The following INPP5B variants were observed in gnomAD, a reference collection of about 807,000 sequenced individuals.
The protein encoded by INPP5B is type II inositol 1,4,5-trisphosphate 5-phosphatase.
A neutral mutation model predicts 118.5 loss-of-function variants in INPP5B; 90 were observed. The ratio of observed to expected loss-of-function variants is 0.76; its 90% CI spans 0.64 to 0.90. INPP5B has a LOEUF of 0.90. Among genes scored for constraint, INPP5B ranks in the 40% least tolerant of loss-of-function variants. The pLI, the probability that INPP5B is intolerant of heterozygous loss-of-function variation, is 0.00. For missense variants in INPP5B, 984 were observed against 1,125.6 expected, an observed-to-expected ratio of 0.87 and a Z score of 1.80; for synonymous variants, 385 against 418.9, an observed-to-expected ratio of 0.92 and a Z score of 0.99.
chr1:37,872,826 C>T, intron 19 of INPP5B, 104 bp downstream of exon 19: 2 of 807,936 alleles, frequency 2.5e-6, no homozygotes, highest in Non-Finnish European at 4.1e-6. Context: ...CTCTAGGAAG[C>T]TGAAGAGTTT....
chr1:37,944,740 C>A lies in INPP5B; in HGVS notation c.153-847G>T, dbSNP rs1483206655. Among the ~76,000 whole-genome samples, 12 of 152,104 alleles carry A rather than the reference C, an allele frequency of 7.9e-5. No homozygotes were observed. In the South Asian group the frequency reaches 1.7e-3, roughly 21 times the overall value. ...GAGACTACAGGCATGCACCACAACA[C>A]CCAGCTAATTTTCTTATTTTTTGTA... On this transcript the variant is annotated intron_variant, in intron 3 of 23. Transcript: ENST00000373024.
chr1:37,886,225 G>C (rs1249606198), intron 12 of INPP5B, among the ~76,000 whole-genome samples: 3 of 151,358 alleles, frequency 2.0e-5, no homozygotes, highest in African/African-American at 7.3e-5. Context: ...AAAATGTTTT[G>C]TCTTAATCTT....
rs761972981 is a variant in INPP5B at position 37,873,976 on chromosome 1, AG to A, written c.1951+16del. 245 of 1,523,270 alleles carry A rather than the reference AG, an allele frequency of 1.6e-4. 1 individual carries two copies. The highest frequency in any genetic ancestry group is 1.2e-3 in the Admixed American group (64 of 52,340). 94.4% of individuals were successfully genotyped at this position (1,523,270 alleles called of 1,614,324 possible). A position where few individuals can be genotyped will look rare whatever the true frequency, so the allele number is the denominator to read the frequency against. ...TCCCCAAACCAGATACCAGGAAGCT[AG>A]GAACAGAGGCCTTACCTGGCAGGAG... is the stretch of plus-strand genomic sequence containing the variant. On this transcript the variant is annotated intron_variant, in intron 18 of 23. Coordinates refer to ENST00000373024, the MANE Select transcript of INPP5B (RefSeq NM_005540.3).
chr1:37,939,625 A>G lies in INPP5B; in HGVS notation c.391+1063T>C, dbSNP rs181468300. Among the ~76,000 whole-genome samples, 313 of 150,312 alleles carry G rather than the reference A, an allele frequency of 2.1e-3. 2 individuals are homozygous for G. The highest frequency in any genetic ancestry group is 7.0e-3 in the African/African-American group (288 of 41,278). On this transcript the variant is annotated intron_variant, in intron 6 of 23. Transcript: ENST00000373024. ...ATGCCCGGCTAATTTTTTTATTTTT[A>G]GTAGAGACGGGGTTTCACCGTGTTA...
chr1:37,922,293 A>C (rs1028775834), intron 7 of INPP5B, among the ~76,000 whole-genome samples: 1 of 144,840 alleles, frequency 6.9e-6, no homozygotes, highest in South Asian at 2.2e-4. Flanking sequence ...GGAGGCTGAG[A>C]CAGGAGAACT....
chr1:37,865,205 A>G, intron 22 of INPP5B, among the ~76,000 whole-genome samples: 1 of 152,106 alleles, frequency 6.6e-6, no homozygotes, highest in Non-Finnish European at 1.5e-5. Flanking sequence ...AGTGTGATTC[A>G]GTAGATTTGG....
chr1:37,927,661 C>T (rs945321903), intron 7 of INPP5B, among the ~76,000 whole-genome samples: 5 of 151,890 alleles, frequency 3.3e-5, no homozygotes, highest in Non-Finnish European at 1.5e-5. Flanking sequence ...CTCAGCCTCC[C>T]GAGTAGCTGG....
At chr1:37,889,778 G>T in intron 8 of INPP5B, 54 bp from the exon 9 acceptor site, 1 of 1,382,268 alleles carries the variant, frequency 7.2e-7, no homozygotes, top group Non-Finnish European at 1.0e-6. Context: ...ATGGCAAAAT[G>T]AATGAATACA....
chr1:37,887,575 C>A, intron 10 of INPP5B, 110 bp from the exon 11 acceptor site: 1 of 632,126 alleles, frequency 1.6e-6, no homozygotes, highest in Non-Finnish European at 2.8e-6. Context: ...AACTTCAGGA[C>A]CCTCAGGAGG....
chr1:37,865,881 G>C lies in INPP5B; in HGVS notation c.2394C>G (p.Ser798Arg). 6.2e-7 allele frequency: 1 copy of C among 1,613,056 alleles called. No individual in the cohort carries two copies. The highest frequency in any genetic ancestry group is 8.5e-7 in the Non-Finnish European group (1 of 1,179,382). Reference protein sequence around the residue: ...DTGMIDNLSASNHSVAEALLL... With the variant: ...DTGMIDNLSARNHSVAEALLL... ...GCAGGGCTTCGGCTACAGAATGATT[G>C]CTGGCAGCTTTTGGCCCCATTGTTA... is the stretch of plus-strand genomic sequence containing the variant. Residue 798 changes from serine to arginine, a missense_variant, in exon 22 of 24, where the codon AGC becomes AGG. This residue lies in a region of INPP5B where 634 missense variants were observed against 791.0 expected (regional missense o/e 0.80). Transcript: ENST00000373024.
chr1:37,924,885 A>G (rs1013416114), intron 7 of INPP5B, among the ~76,000 whole-genome samples: 3 of 152,154 alleles, frequency 2.0e-5, no homozygotes, highest in African/African-American at 7.2e-5. Flanking sequence ...TAAAAATATA[A>G]AAATTAGTCC....
rs1371433291 is a variant in INPP5B, at chr1:37,868,521, A to C, written c.2281T>G (p.Tyr761Asp). Residue 761 changes from tyrosine (Y) to aspartate (D), a missense_variant, in exon 20 of 24, where the codon TAC (tyrosine) becomes GAC (aspartate). Physicochemically the swap from Tyr to Asp is radical, Grantham distance 160 (BLOSUM62 -3). Coordinates refer to ENST00000373024, the MANE Select transcript of INPP5B (RefSeq NM_005540.3). ...KELWMMVDYLYRNAVQQEDLF... is the reference protein window; with the variant it reads ...KELWMMVDYLDRNAVQQEDLF... ...CCTACCTGCTGGACAGCATTTCGGT[A>C]CAGGTAATCAACCATCATCCAGAGC... is the stretch of plus-strand genomic sequence containing the variant. 4 of 1,613,390 alleles carry C rather than the reference A, an allele frequency of 2.5e-6. No individual in the cohort carries two copies. In the South Asian group the frequency reaches 4.4e-5, roughly 18 times the overall value.
At chr1:37,941,399 G>T (rs1316358860) in intron 5 of INPP5B, among the ~76,000 whole-genome samples, 1 of 152,132 alleles carries the variant, frequency 6.6e-6, no homozygotes, top group Non-Finnish European at 1.5e-5. Flanking sequence ...TGTAATCCCA[G>T]CACTTTGGGA....
chr1:37,944,584 G>T (rs1051913910), intron 3 of INPP5B, among the ~76,000 whole-genome samples: 1 of 143,132 alleles, frequency 7.0e-6, no homozygotes, highest in Non-Finnish European at 1.5e-5. Flanking sequence ...CATGGTGTTC[G>T]TTTTTTTTTT....
intron 20 of INPP5B, among the ~76,000 whole-genome samples, chr1:37,868,048 G>A (rs1052822574): frequency 6.6e-6 from 1 of 152,020 alleles, no homozygotes; most frequent in East Asian, 1.9e-4. Flanking sequence ...GTAATAGCAG[G>A]GCCTCTGGCA....
At chr1:37,897,176 G>A (rs1482255411) in intron 7 of INPP5B, among the ~76,000 whole-genome samples, 20 of 151,818 alleles carry the variant, frequency 1.3e-4, no homozygotes, top group African/African-American at 2.2e-4. Flanking sequence ...CTGCCTGGCC[G>A]CGCCTACTGG....
At chr1:37,932,171 C>G in intron 6 of INPP5B, 118 bp from the exon 7 acceptor site, 1 of 896,104 alleles carries the variant, frequency 1.1e-6, no homozygotes, top group Admixed American at 3.5e-5. Context: ...GGGTTCTGTG[C>G]GCACTGAGGT....
chr1:37,904,352 A>T (rs1644432893), intron 7 of INPP5B, among the ~76,000 whole-genome samples: 2 of 152,072 alleles, frequency 1.3e-5, no homozygotes, highest in South Asian at 4.1e-4. Context: ...AATAAATAAG[A>T]AGTCACGGGA....
In INPP5B at chr1:37,932,023, A is replaced by T. The variant is rs755971870; in HGVS notation, c.422T>A (p.Phe141Tyr). Reference sequence around the variant, plus strand: ...GCACCTATACCGAGACAGCCACAGGAATTCAGGATCCCGGGTCGCAGAATC... The same window carrying T: ...GCACCTATACCGAGACAGCCACAGGTATTCAGGATCCCGGGTCGCAGAATC... ...GFDSATRDPE[F>Y]LWLSRYRCAE... The change falls in exon 7 of 24, where the codon TTC becomes TAC. Residue 141 changes from phenylalanine (F) to tyrosine (Y), a missense_variant. By Grantham distance (22) the Phe-to-Tyr change is conservative. Coordinates refer to ENST00000373024, the MANE Select transcript of INPP5B (RefSeq NM_005540.3). 17 of 1,603,118 alleles carry T rather than the reference A, an allele frequency of 1.1e-5. 1 individual carries two copies. In the South Asian group the frequency reaches 1.9e-4, roughly 18 times the overall value.
Sources: allele counts gnomAD v4.1 joint callset (sites outside exome capture counted in the v4.1 genomes callset), GRCh38; gene constraint gnomAD v4.1.1; regional missense constraint gnomAD v4.1.1; transcripts MANE v1.5; gene names NCBI Gene and HGNC (gene_info 2026-07-23, HGNC 2026-07-21).